The following FRAS1 variants were observed in gnomAD, a reference collection of about 807,000 sequenced individuals.
FRAS1 encodes Fraser extracellular matrix complex subunit 1, also known as extracellular matrix organizing protein FRAS1.
FRAS1 carries 290 observed loss-of-function variants against 435.2 expected under a neutral mutation model. The ratio of observed to expected loss-of-function variants is 0.67; its 90% CI spans 0.61 to 0.73. The LOEUF (loss-of-function observed/expected upper bound fraction) is 0.73, where lower values mean the gene tolerates loss of function less well. Among genes scored for constraint, FRAS1 ranks in the 30% least tolerant of loss-of-function variants. The pLI, the probability that FRAS1 is intolerant of heterozygous loss-of-function variation, is 0.00. For missense variants in FRAS1, 4,860 were observed against 5,001.5 expected, an observed-to-expected ratio of 0.97 and a Z score of 0.85; for synonymous variants, 1,800 against 1,851.0, an observed-to-expected ratio of 0.97 and a Z score of 0.71.
chr4:78,507,880 G>A (rs140187486), intron 62 of FRAS1, among the ~76,000 whole-genome samples: 4 of 152,082 alleles, frequency 2.6e-5, no homozygotes, highest in Non-Finnish European at 4.4e-5. Flanking sequence ...GGAAGCCCCC[G>A]ACAACAAAAG....
chr4:78,525,080 G>C (rs1192691856), intron 69 of FRAS1, among the ~76,000 whole-genome samples: 1 of 152,152 alleles, frequency 6.6e-6, no homozygotes, highest in Non-Finnish European at 1.5e-5. Context: ...GAGAGTAGTA[G>C]ACAATAATGC....
At chr4:78,113,896 C>T (rs1256157910) in intron 2 of FRAS1, among the ~76,000 whole-genome samples, 2 of 152,134 alleles carry the variant, frequency 1.3e-5, no homozygotes, top group African/African-American at 2.4e-5. Flanking sequence ...GACATGAAGT[C>T]CTTGCCCATG....
chr4:78,199,484 T>C (rs1722958004), intron 2 of FRAS1, among the ~76,000 whole-genome samples: 1 of 152,228 alleles, frequency 6.6e-6, no homozygotes, highest in Admixed American at 6.5e-5. Context: ...TGGGGGATAC[T>C]AATGTAAGGC....
At position 78,534,424 on chromosome 4, in the gene FRAS1, GCT is replaced by G. The variant is rs758988677; in HGVS notation, c.10926-22_10926-21del. 2.5e-6 allele frequency: 4 copies of G among 1,602,948 alleles called. No homozygotes were observed. The South Asian group carries it at 4.5e-5, about 18-fold the overall frequency. ...GCAAAGCTGACCCTGCTCTCAAAGAGCTCTTTGTTTCTCCTTGCATTTAGATT... is the reference window on the plus strand; with the variant it reads ...GCAAAGCTGACCCTGCTCTCAAAGAGCTTTGTTTCTCCTTGCATTTAGATT... On this transcript the variant is annotated intron_variant, in intron 70 of 73. Coordinates refer to ENST00000512123, the MANE Select transcript of FRAS1 (RefSeq NM_025074.7).
intron 56 of FRAS1, among the ~76,000 whole-genome samples, chr4:78,480,854 G>A (rs1163909436): frequency 3.3e-5 from 5 of 152,226 alleles, no homozygotes; most frequent in Non-Finnish European, 7.3e-5. Flanking sequence ...GGAGCACTGG[G>A]AACAGGTATT....
intron 54 of FRAS1, 23 bp downstream of exon 54, chr4:78,475,629 G>C (rs767674251): frequency 6.6e-7 from 1 of 1,517,350 alleles, no homozygotes; most frequent in African/African-American, 1.4e-5. Flanking sequence ...GTGGGGTTGG[G>C]GGAGGCTCCA....
intron 47 of FRAS1, 56 bp downstream of exon 47, chr4:78,452,410 G>A (rs1009421308): frequency 3.3e-5 from 44 of 1,348,442 alleles, no homozygotes; most frequent in East Asian, 1.4e-4. Flanking sequence ...AGTAAGTATT[G>A]AGGGCAGCCA....
chr4:78,273,896 C>T (rs374576526), intron 9 of FRAS1, among the ~76,000 whole-genome samples: 2 of 152,278 alleles, frequency 1.3e-5, no homozygotes, highest in Middle Eastern at 3.4e-3. Context: ...ATGGTACCAG[C>T]TCCTCCTTGT....
rs200764508 is a variant in FRAS1, at chr4:78,252,453, G to A, written c.371G>A (p.Arg124Gln). The change falls in exon 5 of 74, where the codon CGA becomes CAA. Residue 124 changes from arginine (R) to glutamine (Q), a missense_variant. By Grantham distance (43) the Arg-to-Gln change is conservative. Coordinates refer to ENST00000512123, the MANE Select transcript of FRAS1 (RefSeq NM_025074.7). ...TGCTCTTGCAATCATGGGGAAGTCC[G>A]ATGTACCCCCCAACCATGCCCACCG... Reference protein sequence around the residue: ...SVCSCNHGEVRCTPQPCPPLS... With the variant: ...SVCSCNHGEVQCTPQPCPPLS... 4.2e-5 allele frequency: 67 copies of A among 1,613,410 alleles called. No individual in the cohort carries two copies. The Admixed American group carries it at 4.5e-4, about 11-fold the overall frequency.
chr4:78,150,790 A>T (rs927959591), intron 2 of FRAS1, among the ~76,000 whole-genome samples: 2 of 152,162 alleles, frequency 1.3e-5, no homozygotes, highest in African/African-American at 4.8e-5. Context: ...ATTAACTAGA[A>T]CCCTGACACT....
chr4:78,191,760 C>T (rs28414950), intron 2 of FRAS1, among the ~76,000 whole-genome samples: 102,734 of 151,336 alleles, frequency 0.68, 35,079 homozygotes, highest in African/African-American at 0.74. Flanking sequence ...TCTCATTGTT[C>T]AATTCCCACC....
chr4:78,128,854 C>A (rs182128778), intron 2 of FRAS1, among the ~76,000 whole-genome samples: 2 of 152,182 alleles, frequency 1.3e-5, no homozygotes, highest in East Asian at 3.9e-4. Context: ...AATGGTATTG[C>A]CTAGGTTTTC....
intron 18 of FRAS1, among the ~76,000 whole-genome samples, chr4:78,329,315 A>G (rs1038587377): frequency 6.6e-6 from 1 of 152,224 alleles, no homozygotes; most frequent in Non-Finnish European, 1.5e-5. Context: ...GGATTCCGGT[A>G]ACTTTACCTA....
chr4:78,540,551 G>A lies in FRAS1; in HGVS notation c.11466G>A (p.Trp3822Ter). ...TGCAGGTGGAAGCAGGACACCAGTG[G>A]TATCTCCAGGTCATCTACATCATTG... ...ALYKVEAGHQ[W>*]YLQVIYIIGP... Residue 3822 changes from tryptophan (W) to a stop codon, truncating the protein, a stop_gained, in exon 74 of 74, where the codon TGG becomes TGA. Transcript: ENST00000512123. LOFTEE classifies it high-confidence loss of function. The A allele has an allele frequency of 2.0e-6, 3 of 1,500,370 alleles. No homozygotes were observed. Among genetic ancestry groups the A allele is most frequent in the Non-Finnish European group, 2.7e-6 (3 of 1,124,482 alleles). 92.9% of individuals were successfully genotyped at this position (1,500,370 alleles called of 1,614,324 possible).
Position 78,473,540 on chromosome 4 carries a change from T to A in FRAS1, c.7625T>A (p.Val2542Glu). 1 of 1,613,036 alleles carries A rather than the reference T, an allele frequency of 6.2e-7. No homozygotes were observed. The highest frequency in any genetic ancestry group is 1.7e-5 in the Admixed American group (1 of 59,944). Reference protein sequence around the residue: ...QFLVKDSKPNVVSDNVFHIQW... With the variant: ...QFLVKDSKPNEVSDNVFHIQW... ...CTGGTGAAAGACAGTAAACCCAATG[T>A]GGTCAGCGACAATGTCTTCCATATC... The change falls in exon 53 of 74, where the codon GTG becomes GAG. Residue 2542 changes from valine to glutamate, a missense_variant. Val to Glu is a moderately radical substitution (Grantham distance 121). Transcript: ENST00000512123.
At chr4:78,495,649 A>T (rs1453030547) in intron 59 of FRAS1, among the ~76,000 whole-genome samples, 6 of 152,182 alleles carry the variant, frequency 3.9e-5, no homozygotes, top group Non-Finnish European at 5.9e-5. Flanking sequence ...TTCTCTGCTT[A>T]TCCAAGAAGT....
chr4:78,479,776 G>C, intron 56 of FRAS1, 58 bp downstream of exon 56: 1 of 1,324,412 alleles, frequency 7.6e-7, no homozygotes. Context: ...TTCTTGAGCA[G>C]TTTTCTCCTT....
chr4:78,386,954 T>C (rs1732239623), intron 28 of FRAS1, among the ~76,000 whole-genome samples: 1 of 152,098 alleles, frequency 6.6e-6, no homozygotes, highest in Admixed American at 6.5e-5. Flanking sequence ...CAGCATGAGC[T>C]CAGGATGCAA....
intron 2 of FRAS1, among the ~76,000 whole-genome samples, chr4:78,195,121 G>A (rs866204563): frequency 2.0e-5 from 3 of 152,202 alleles, no homozygotes; most frequent in Non-Finnish European, 2.9e-5. Context: ...CTGCCTGATC[G>A]TTCCTCCGGA....
Sources: allele counts gnomAD v4.1 joint callset (sites outside exome capture counted in the v4.1 genomes callset), GRCh38; gene constraint gnomAD v4.1.1; transcripts MANE v1.5; gene names NCBI Gene and HGNC (gene_info 2026-07-23, HGNC 2026-07-21).